Variants in BCORL1 observed in about 807,000 individuals in gnomAD.
BCORL1 encodes BCL6 corepressor like 1.
Under a neutral mutation model 87.6 loss-of-function variants are expected in BCORL1, and 7 were observed. That is an observed-to-expected ratio of 0.08 (90% CI 0.05 to 0.15). The LOEUF is 0.15. BCORL1 is among the 10% of genes least tolerant of loss of function. The probability of loss-of-function intolerance (pLI) is 1.00; values close to 1 mark genes in which losing one functional copy is unlikely to be tolerated. For synonymous variants in BCORL1, 591 were observed against 634.4 expected (o/e 0.93, Z 1.03); for missense variants, 1,215 against 1,499.7 (o/e 0.81, Z 3.13).
In BCORL1 at chrX:130,056,550, C is replaced by T; in HGVS notation, c.*414C>T. On this transcript the variant is annotated 3_prime_UTR_variant, in exon 14 of 14. Transcript: ENST00000540052. ...CTGAGCGCCCCCCAACTCCATTCCC[C>T]TGTGTTCTTCTGTCTTCTGTAGTAT... 1 of 135,470 alleles carries T rather than the reference C, an allele frequency of 7.4e-6. No individual in the cohort carries two copies. The highest frequency in any genetic ancestry group is 3.1e-5 in the African/African-American group (1 of 32,307). 11.2% of individuals were successfully genotyped at this position (135,470 alleles called of 1,213,427 possible).
rs1931497950 is a variant in BCORL1 at position 130,043,749 on chromosome X, TATATATATA to T, written c.4840+4468_4840+4476del. ...GCCACCATGCCCAGCTAATTTGTTATATATATATATATATATATATATATATATATATAT... is the reference window on the plus strand; with the variant it reads ...GCCACCATGCCCAGCTAATTTGTTATTATATATATATATATATATATATAT... On this transcript the variant is annotated intron_variant, in intron 11 of 13. Coordinates refer to ENST00000540052, the MANE Select transcript of BCORL1 (RefSeq NM_001379451.1). Among the ~76,000 whole-genome samples the T allele has an allele frequency of 1.8e-3, 25 of 13,530 alleles. 3 individuals are homozygous for T. The highest frequency in any genetic ancestry group is 6.5e-3 in the African/African-American group (23 of 3,556). 11.7% of individuals were successfully genotyped at this position (13,530 alleles called of 115,157 possible). A position where few individuals can be genotyped will look rare whatever the true frequency, so the allele number is the denominator to read the frequency against.
chrX:129,988,294 T>G (rs761429991), intron 1 of BCORL1, among the ~76,000 whole-genome samples: 50 of 112,019 alleles, frequency 4.5e-4, no homozygotes, highest in African/African-American at 1.6e-3. Flanking sequence ...TTAAAAGCAA[T>G]CTTTTATGAT....
At chrX:130,041,751 C>A (rs1044365473) in intron 11 of BCORL1, among the ~76,000 whole-genome samples, 3 of 111,106 alleles carry the variant, frequency 2.7e-5, no homozygotes, top group African/African-American at 9.8e-5. Context: ...CTCAGCCTCC[C>A]AAGGAGCTGG....
chrX:130,023,284 C>G (rs1315516784), intron 6 of BCORL1, among the ~76,000 whole-genome samples: 1 of 112,189 alleles, frequency 8.9e-6, no homozygotes, highest in Non-Finnish European at 1.9e-5. Flanking sequence ...GCTGGTTCAA[C>G]TCCAAGCTTT....
At chrX:129,980,784 C>A (rs1200106202), upstream of BCORL1, among the ~76,000 whole-genome samples, 3 of 71,529 alleles carry the variant, frequency 4.2e-5, no homozygotes, top group Non-Finnish European at 7.6e-5. Context: ...GAAACCAGGC[C>A]TGGCCAGACT....
In BCORL1 at chrX:130,014,137, A is replaced by G; in HGVS notation, c.1365A>G (p.Pro455=). ...AGCCGCTGGTATATATCCCGCCTCC[A>G]AGCTGTGGGCAGCCACTCAGTGTGG... ...PSQPLVYIPP[P]SCGQPLSVAT... The change falls in exon 4 of 14, where the codon CCA becomes CCG. Residue 455 remains proline, a synonymous_variant. Transcript: ENST00000540052. 8.3e-7 allele frequency: 1 copy of G among 1,210,745 alleles called. No individual in the cohort carries two copies. Among genetic ancestry groups the G allele is most frequent in the Non-Finnish European group, 1.1e-6 (1 of 895,230 alleles).
chrX:130,005,365 C>A (rs1160058740), intron 2 of BCORL1, 48 bp downstream of exon 2: 1 of 1,088,297 alleles, frequency 9.2e-7, no homozygotes. Flanking sequence ...GTGAGCAGTA[C>A]CTCGTCACCA....
chrX:130,029,749 C>G (rs1235665777), intron 8 of BCORL1, among the ~76,000 whole-genome samples: 3 of 108,766 alleles, frequency 2.8e-5, no homozygotes, highest in Non-Finnish European at 5.7e-5. Context: ...CTCCTGGGTT[C>G]AAGCGATTCT....
chrX:129,984,576 C>G (rs1290650537), intron 1 of BCORL1, among the ~76,000 whole-genome samples: 1 of 111,512 alleles, frequency 9.0e-6, no homozygotes, highest in African/African-American at 3.3e-5. Flanking sequence ...GGAGGGGGCC[C>G]TCCTCGCCGG....
At chrX:130,003,374 C>CTTCTTT (rs59660230) in intron 1 of BCORL1, among the ~76,000 whole-genome samples, 26 of 91,497 alleles carry the variant, frequency 2.8e-4, no homozygotes, top group African/African-American at 1.0e-3. Context: ...TCTTCTTCTT[C>CTTCTTT]TTTTTTTTTT....
chrX:130,049,775 A>C (rs1369964027), intron 11 of BCORL1, among the ~76,000 whole-genome samples: 1 of 112,842 alleles, frequency 8.9e-6, no homozygotes, highest in African/African-American at 3.2e-5. Flanking sequence ...TTCTTCAAAA[A>C]TGAACCAGAA....
At chrX:130,009,696 C>T (rs774442285) in intron 2 of BCORL1, among the ~76,000 whole-genome samples, 1 of 110,305 alleles carries the variant, frequency 9.1e-6, no homozygotes, top group South Asian at 3.9e-4. Flanking sequence ...GGAAATGGCC[C>T]AGAGGGGTCA....
Position 130,013,346 on chromosome X carries a change from G to C in BCORL1, c.574G>C (p.Val192Leu), listed in dbSNP as rs1204813718. 2 of 1,211,067 alleles carry C rather than the reference G, an allele frequency of 1.7e-6. No homozygotes were observed. The highest frequency in any genetic ancestry group is 4.3e-5 in the Admixed American group (2 of 45,979). The change falls in exon 4 of 14, where the codon GTT (valine) becomes CTT (leucine). Residue 192 changes from valine to leucine, a missense_variant. By Grantham distance (32) the Val-to-Leu change is conservative. This residue lies in a region of BCORL1 where 861 missense variants were observed against 1,010.0 expected (regional missense o/e 0.85). Transcript: ENST00000540052. The stretch of plus-strand genomic sequence containing the variant: ...CCCTGTGGAGGGGACCCTGCCCCTG[G>C]TTACCACTAACTTCAGTCCTCTGCC... ...GVPVEGTLPLVTTNFSPLPAP... is the reference protein window; with the variant it reads ...GVPVEGTLPLLTTNFSPLPAP...
chrX:130,013,479 T>G lies in BCORL1; in HGVS notation c.707T>G (p.Leu236Arg). The G allele has an allele frequency of 8.3e-7, 1 of 1,210,898 alleles. No individual in the cohort carries two copies. The highest frequency in any genetic ancestry group is 1.1e-6 in the Non-Finnish European group (1 of 895,219). ...SVPAPVPHSG[L>R]VPVQVATSVP... ...CCTGCCCCAGTCCCCCATTCAGGGCTTGTTCCAGTCCAAGTTGCCACTTCG... is the reference window on the plus strand; with the variant it reads ...CCTGCCCCAGTCCCCCATTCAGGGCGTGTTCCAGTCCAAGTTGCCACTTCG... The change falls in exon 4 of 14, where the codon CTT becomes CGT. Residue 236 changes from leucine (L) to arginine (R), a missense_variant. Transcript: ENST00000540052.
chrX:130,051,930 T>A lies in BCORL1; in HGVS notation c.4989T>A (p.Asp1663Glu), dbSNP rs1337318303. Residue 1663 changes from aspartate to glutamate, a missense_variant, in exon 13 of 14, where the codon GAT becomes GAA. Physicochemically the swap from Asp to Glu is conservative, Grantham distance 45. Coordinates refer to ENST00000540052, the MANE Select transcript of BCORL1 (RefSeq NM_001379451.1). ...PPGSSDQEGD[D>E]PMEEDDFMFE... Reference sequence around the variant, plus strand: ...GGAGCTCAGATCAAGAAGGAGACGATCCGATGGAGGAGGATGATTTCATGT... The same window carrying A: ...GGAGCTCAGATCAAGAAGGAGACGAACCGATGGAGGAGGATGATTTCATGT... 1.7e-6 allele frequency: 2 copies of A among 1,207,305 alleles called. No homozygotes were observed. The highest frequency in any genetic ancestry group is 5.9e-5 in the East Asian group (2 of 33,738).
intron 1 of BCORL1, among the ~76,000 whole-genome samples, chrX:129,995,378 G>C (rs371857470): frequency 9.0e-6 from 1 of 111,122 alleles, no homozygotes. Flanking sequence ...ATAGATATTG[G>C]GGGTAAAGAT....
rs774950650 is a variant in BCORL1, at chrX:129,990,520, T to C, written c.-45+7758T>C. ...TGCTGGGATTACAGGCATGAGCCAC[T>C]GTGCCCGGCCCTATTATTATATTAT... is the stretch of plus-strand genomic sequence containing the variant. On this transcript the variant is annotated intron_variant, in intron 1 of 13. Transcript: ENST00000540052. 7.1e-5 allele frequency among the ~76,000 whole-genome samples: 8 copies of C among 111,925 alleles called. No homozygotes were observed. In the South Asian group the frequency reaches 1.1e-3, roughly 15 times the overall value.
chrX:130,032,733 CTATTTATTTATT>C (rs61204194), intron 8 of BCORL1, among the ~76,000 whole-genome samples: 77 of 87,585 alleles, frequency 8.8e-4, no homozygotes, highest in Middle Eastern at 5.3e-3. Context: ...AGAATCTCTT[CTATTTATTTATT>C]TATTTATTTA....
intron 2 of BCORL1, among the ~76,000 whole-genome samples, chrX:130,008,264 ATT>A (rs372463348): frequency 1.3e-4 from 12 of 94,148 alleles, no homozygotes; most frequent in Non-Finnish European, 1.5e-4. Context: ...TTAAGAGGAC[ATT>A]TTTTTTTTTT....
Sources: gnomAD v4.1 joint callset for allele counts (sites outside exome capture counted in the v4.1 genomes callset) on GRCh38, gnomAD v4.1.1 for gene constraint, gnomAD v4.1.1 regional missense constraint, MANE v1.5 for transcripts, NCBI Gene and HGNC (gene_info 2026-07-23, HGNC 2026-07-21) for gene names.